The following AP1G1 variants were observed in gnomAD, a reference collection of about 807,000 sequenced individuals.
AP1G1 encodes AP-1 complex subunit gamma-1.
A neutral mutation model predicts 108.3 loss-of-function variants in AP1G1; 7 were observed. The ratio of observed to expected loss-of-function variants is 0.06; its 90% confidence interval spans 0.04 to 0.12. The LOEUF is 0.12. Among genes scored for constraint, AP1G1 ranks in the 10% least tolerant of loss-of-function variants. AP1G1 has a pLI of 1.00. For missense variants in AP1G1, 756 were observed against 1,010.7 expected (o/e 0.75, Z 3.42); for synonymous variants, 379 against 353.5 (o/e 1.07, Z -0.81).
Position 71,769,628 on chromosome 16 carries a change from T to C in AP1G1, c.637A>G (p.Arg213Gly). The C allele has an allele frequency of 6.2e-7, 1 of 1,613,066 alleles. No homozygotes were observed. Among genetic ancestry groups the C allele is most frequent in the East Asian group, 2.2e-5 (1 of 44,840 alleles). ...GCATACAGAATGGCACCTACCTTTC[T>C]GAAATGCGCAAGCATGTCTGGGCTT... ...ERSPDMLAHF[R>G]KLVPQLVRIL... is the part of the protein sequence containing the mutation. Residue 213 changes from arginine to glycine, a missense_variant, in exon 6 of 23, where the codon AGA (arginine) becomes GGA (glycine). Around this residue, in one of 3 missense-constraint regions of AP1G1, gnomAD observed 304 missense variants for 483.6 expected, o/e 0.63. Transcript: ENST00000299980.
chr16:71,792,708 G>T (rs11645704), intron 1 of AP1G1, among the ~76,000 whole-genome samples: 34,658 of 152,064 alleles, frequency 0.23, 4,635 homozygotes, highest in Non-Finnish European at 0.31. Flanking sequence ...ACAAAAAATA[G>T]CCAGGCGTGG....
At chr16:71,808,090 C>CT in intron 1 of AP1G1, 1 of 1,163,064 alleles carries the variant, frequency 8.6e-7, no homozygotes, top group Admixed American at 4.0e-5. Flanking sequence ...CGTCCCGACT[C>CT]TTTCAGGCAA....
intron 2 of AP1G1, among the ~76,000 whole-genome samples, chr16:71,783,613 G>A (rs2032100569): frequency 6.6e-6 from 1 of 152,112 alleles, no homozygotes; most frequent in Admixed American, 6.5e-5. Flanking sequence ...AGCTAAAGAA[G>A]TGCAGTCCTA....
intron 6 of AP1G1, among the ~76,000 whole-genome samples, chr16:71,768,577 C>T (rs1451509193): frequency 6.8e-6 from 1 of 147,604 alleles, no homozygotes; most frequent in Non-Finnish European, 1.5e-5. Context: ...CTAAAACGAA[C>T]AGTAGAGTAA....
chr16:71,808,177 G>A (rs1359019925), intron 1 of AP1G1: 1 of 1,105,534 alleles, frequency 9.0e-7, no homozygotes, highest in Non-Finnish European at 1.1e-6. Context: ...CAGTATACTC[G>A]CAGGTAGGTT....
In AP1G1 at chr16:71,745,044, T is replaced by C. The variant is rs1028027398; in HGVS notation, c.1999+100A>G. ...CTTGCTTCTGATTTAGCCTCTCCCA[T>C]CTTCAAATGATTCACGTGCTGGAAA... On this transcript the variant is annotated intron_variant, in intron 19 of 22. Coordinates refer to ENST00000299980, the MANE Select transcript of AP1G1 (RefSeq NM_001128.6). 5.2e-6 allele frequency: 7 copies of C among 1,344,760 alleles called. No individual in the cohort carries two copies. In the African/African-American group the frequency reaches 1.0e-4, roughly 20 times the overall value. 83.3% of individuals were successfully genotyped at this position (1,344,760 alleles called of 1,614,324 possible). A position where few individuals can be genotyped will look rare whatever the true frequency, so the allele number is the denominator to read the frequency against.
At chr16:71,807,699 T>C in intron 1 of AP1G1, 3 of 753,808 alleles carry the variant, frequency 4.0e-6, no homozygotes, top group South Asian at 2.9e-5. Context: ...CAAAGATCAT[T>C]ACTGTACAAA....
At position 71,732,975 on chromosome 16, in the gene AP1G1, G is replaced by T; in HGVS notation, c.*83C>A. 2.8e-6 allele frequency: 3 copies of T among 1,090,114 alleles called. No homozygotes were observed. Among genetic ancestry groups the T allele is most frequent in the Non-Finnish European group, 4.1e-6 (3 of 728,332 alleles). 67.5% of individuals were successfully genotyped at this position (1,090,114 alleles called of 1,614,324 possible). ...GCTCCTCATGCCCGTGGTACAGTTGGGGGGGACTTGCCAGCAATCACAACC... is the reference window on the plus strand; with the variant it reads ...GCTCCTCATGCCCGTGGTACAGTTGTGGGGGACTTGCCAGCAATCACAACC... On this transcript the variant is annotated 3_prime_UTR_variant, in exon 23 of 23. Transcript: ENST00000299980.
At chr16:71,794,992 A>G (rs2032536930) in intron 1 of AP1G1, among the ~76,000 whole-genome samples, 1 of 151,764 alleles carries the variant, frequency 6.6e-6, no homozygotes, top group Non-Finnish European at 1.5e-5. Context: ...TTAAATCCTA[A>G]ATGCTAAAAT....
At chr16:71,777,736 TTCTTTCTTTCGC>T (rs1306362323) in intron 2 of AP1G1, 2 of 445,384 alleles carry the variant, frequency 4.5e-6, no homozygotes, top group Non-Finnish European at 9.3e-6. Context: ...CCTCCACCAC[TTCTTTCTTTCGC>T]TCTTTCTGGC....
chr16:71,738,833 T>C (rs1473087434), intron 21 of AP1G1, 109 bp downstream of exon 21: 11 of 1,037,938 alleles, frequency 1.1e-5, no homozygotes, highest in Non-Finnish European at 1.5e-5. Flanking sequence ...GAATTAAGTC[T>C]ACAAATTTAA....
chr16:71,802,336 A>G (rs1276570818), intron 1 of AP1G1, among the ~76,000 whole-genome samples: 1 of 152,092 alleles, frequency 6.6e-6, no homozygotes, highest in African/African-American at 2.4e-5. Flanking sequence ...GCACAGTCTT[A>G]GCTCACTGCA....
chr16:71,750,296 A>T lies in AP1G1; in HGVS notation c.1321T>A (p.Leu441Ile). 3 of 1,614,138 alleles carry T rather than the reference A, an allele frequency of 1.9e-6. No individual in the cohort carries two copies. Among genetic ancestry groups the T allele is most frequent in the Non-Finnish European group, 2.5e-6 (3 of 1,180,008 alleles). Residue 441 changes from leucine to isoleucine, a missense_variant, in exon 14 of 23, where the codon TTA becomes ATA. This residue lies in a region of AP1G1 where 357 missense variants were observed against 366.5 expected (regional missense o/e 0.97). Coordinates refer to ENST00000299980, the MANE Select transcript of AP1G1 (RefSeq NM_001128.6). ...SYVRDDAVPN[L>I]IQLITNSVEM... Reference sequence around the variant, plus strand: ...ACACTATTAGTTATTAACTGGATTAAATTGGGGACTGCATCATCACGAACA... The same window carrying T: ...ACACTATTAGTTATTAACTGGATTATATTGGGGACTGCATCATCACGAACA...
Position 71,732,935 on chromosome 16 carries a change from C to T in AP1G1, c.*123G>A, listed in dbSNP as rs755459557. The stretch of plus-strand genomic sequence containing the variant: ...GCAGTAACTTTAGGAAAATCCTCCT[C>T]AGCAGTTCTCTTCAGCTCCTCATGC... On this transcript the variant is annotated 3_prime_UTR_variant, in exon 23 of 23. Coordinates refer to ENST00000299980, the MANE Select transcript of AP1G1 (RefSeq NM_001128.6). 7.1e-6 allele frequency: 5 copies of T among 706,680 alleles called. No individual in the cohort carries two copies. Among genetic ancestry groups the T allele is most frequent in the Non-Finnish European group, 1.2e-5 (5 of 418,858 alleles). The allele number at this position is 706,680 out of a possible 1,614,324, so 43.8% of individuals were successfully genotyped here. A position where few individuals can be genotyped will look rare whatever the true frequency, so the allele number is the denominator to read the frequency against.
At chr16:71,765,383 T>C in intron 7 of AP1G1, 106 bp downstream of exon 7, 1 of 702,562 alleles carries the variant, frequency 1.4e-6, no homozygotes, top group Non-Finnish European at 2.4e-6. Context: ...AATTAATCAA[T>C]TAACTACCAA....
At chr16:71,784,840 TA>T (rs968276534) in intron 2 of AP1G1, among the ~76,000 whole-genome samples, 12 of 151,732 alleles carry the variant, frequency 7.9e-5, no homozygotes, top group African/African-American at 2.9e-4. Context: ...ATTACAGGCG[TA>T]AGTCACCGTG....
At chr16:71,767,973 A>T (rs1448817030) in intron 6 of AP1G1, 1 of 1,412,336 alleles carries the variant, frequency 7.1e-7, no homozygotes, top group Non-Finnish European at 9.8e-7. Flanking sequence ...ATACTATATT[A>T]CAATAATTTA....
rs1047781713 is a variant in AP1G1, at chr16:71,731,905, T to G, written c.*1153A>C. ...TTTCTTTAACCGTGTGGTCTTTATT[T>G]CAGTGCCAGTGTTACAGATACAACA... On this transcript the variant is annotated 3_prime_UTR_variant, in exon 23 of 23. Transcript: ENST00000299980. 1.3e-5 allele frequency: 2 copies of G among 152,650 alleles called. No individual in the cohort carries two copies. The highest frequency in any genetic ancestry group is 2.9e-5 in the Non-Finnish European group (2 of 68,050). 9.5% of individuals were successfully genotyped at this position (152,650 alleles called of 1,614,324 possible).
chr16:71,765,856 G>C (rs11642529), intron 6 of AP1G1, among the ~76,000 whole-genome samples: 16,870 of 152,178 alleles, frequency 0.11, 1,106 homozygotes, highest in Non-Finnish European at 0.15. Flanking sequence ...TATTGGGTCA[G>C]AAAGCCTATG....
Sources: allele counts gnomAD v4.1 joint callset (sites outside exome capture counted in the v4.1 genomes callset), GRCh38; gene constraint gnomAD v4.1.1; regional missense constraint gnomAD v4.1.1; transcripts MANE v1.5; gene names NCBI Gene and HGNC (gene_info 2026-07-23, HGNC 2026-07-21).